Variants in GALNT17 observed in about 807,000 individuals in gnomAD.
GALNT17 encodes the protein polypeptide N-acetylgalactosaminyltransferase 17.
In GALNT17, 29 loss-of-function variants were observed where a neutral mutation model predicts 63.7. The observed-to-expected ratio is 0.46, with a 90% CI of 0.34 to 0.62. The LOEUF (loss-of-function observed/expected upper bound fraction) is 0.62. GALNT17 is among the 20% of genes least tolerant of loss of function. The pLI is 0.01. For synonymous variants in GALNT17, 305 were observed against 318.3 expected (o/e 0.96, Z 0.45); for missense variants, 603 against 799.6 (o/e 0.75, Z 2.97).
At chr7:71,139,810 T>C (rs1787852891) in intron 1 of GALNT17, among the ~76,000 whole-genome samples, 1 of 152,092 alleles carries the variant, frequency 6.6e-6, no homozygotes, top group African/African-American at 2.4e-5. Flanking sequence ...CTGGCCAACA[T>C]GGTGAAACCC....
At chr7:71,501,198 G>A (rs1788174823) in intron 5 of GALNT17, among the ~76,000 whole-genome samples, 1 of 151,926 alleles carries the variant, frequency 6.6e-6, no homozygotes, top group South Asian at 2.1e-4. Context: ...TGAACTCCTG[G>A]CCTCAAATGA....
At chr7:71,237,983 G>A (rs1015868092) in intron 1 of GALNT17, among the ~76,000 whole-genome samples, 9 of 152,194 alleles carry the variant, frequency 5.9e-5, no homozygotes, top group African/African-American at 2.2e-4. Context: ...GACCAATGGA[G>A]TGAAAAATAT....
chr7:71,174,279 G>A (rs559634223), intron 1 of GALNT17, among the ~76,000 whole-genome samples: 91 of 152,290 alleles, frequency 6.0e-4, no homozygotes, highest in African/African-American at 1.8e-3. Context: ...ATAGGTTAGC[G>A]GAGAAAGAAG....
At chr7:71,536,523 C>T (rs1788804666) in intron 5 of GALNT17, among the ~76,000 whole-genome samples, 1 of 152,172 alleles carries the variant, frequency 6.6e-6, no homozygotes, top group African/African-American at 2.4e-5. Flanking sequence ...GTGAAAGGCA[C>T]TTCTTACATG....
chr7:71,377,114 A>AAT (rs1554362119), intron 2 of GALNT17, among the ~76,000 whole-genome samples: 2,350 of 57,406 alleles, frequency 0.041, 190 homozygotes, highest in Non-Finnish European at 0.049. Context: ...AAATAAAAAA[A>AAT]ATATATATAT....
intron 1 of GALNT17, among the ~76,000 whole-genome samples, chr7:71,175,669 T>C (rs1788624795): frequency 6.6e-6 from 1 of 152,168 alleles, no homozygotes; most frequent in South Asian, 2.1e-4. Flanking sequence ...AATGGAGGGC[T>C]CAGAGATATT....
chr7:71,184,157 A>G (rs76065798), intron 1 of GALNT17, among the ~76,000 whole-genome samples: 3 of 152,344 alleles, frequency 2.0e-5, no homozygotes, highest in Non-Finnish European at 4.4e-5. Flanking sequence ...GCGGCCATCT[A>G]CAAACCAAGA....
intron 5 of GALNT17, among the ~76,000 whole-genome samples, chr7:71,507,300 C>G (rs1287800946): frequency 6.6e-6 from 1 of 152,138 alleles, no homozygotes; most frequent in African/African-American, 2.4e-5. Flanking sequence ...TACTGTTAAG[C>G]CTTCAGCCTG....
At chr7:71,213,735 T>C (rs12536522) in intron 1 of GALNT17, among the ~76,000 whole-genome samples, 56,671 of 152,086 alleles carry the variant, frequency 0.37, 10,895 homozygotes, top group South Asian at 0.53. Context: ...TGGATCATCT[T>C]CTGTCATCCT....
chr7:71,561,930 T>C (rs1789262660), intron 5 of GALNT17, among the ~76,000 whole-genome samples: 1 of 152,022 alleles, frequency 6.6e-6, no homozygotes, highest in South Asian at 2.1e-4. Context: ...ATTTACAGGC[T>C]ATGGATCAGC....
chr7:71,138,914 G>T (rs1787835886), intron 1 of GALNT17, among the ~76,000 whole-genome samples: 1 of 152,206 alleles, frequency 6.6e-6, no homozygotes, highest in African/African-American at 2.4e-5. Flanking sequence ...GGCGGAGGTT[G>T]CAGTGAGCTG....
At chr7:71,313,751 G>A (rs977542437) in intron 1 of GALNT17, among the ~76,000 whole-genome samples, 1 of 152,010 alleles carries the variant, frequency 6.6e-6, no homozygotes, top group Non-Finnish European at 1.5e-5. Context: ...CTCTATAAAG[G>A]CAATTTGCAT....
intron 5 of GALNT17, among the ~76,000 whole-genome samples, chr7:71,484,642 C>T (rs561574702): frequency 6.6e-6 from 1 of 152,196 alleles, no homozygotes; most frequent in African/African-American, 2.4e-5. Context: ...AGGCATTCTT[C>T]AGCTACATTA....
intron 9 of GALNT17, among the ~76,000 whole-genome samples, chr7:71,691,058 T>C (rs6460684): frequency 0.76 from 115,576 of 152,158 alleles, 44,064 homozygotes; most frequent in East Asian, 0.86. Context: ...GTGGGTAAAA[T>C]GCTACTAACC....
chr7:71,262,679 C>CTTTTTT (rs756742343), intron 1 of GALNT17, among the ~76,000 whole-genome samples: 2 of 124,656 alleles, frequency 1.6e-5, no homozygotes, highest in Non-Finnish European at 1.7e-5. Context: ...TTTTTACTTT[C>CTTTTTT]TTTTTTTTTT....
chr7:71,624,981 G>A (rs1790350584), intron 6 of GALNT17, among the ~76,000 whole-genome samples: 1 of 152,112 alleles, frequency 6.6e-6, no homozygotes, highest in South Asian at 2.1e-4. Flanking sequence ...GAGAGTGAAA[G>A]TGAATAAGGC....
chr7:71,687,640 C>T (rs1426444767), intron 9 of GALNT17, among the ~76,000 whole-genome samples: 2 of 152,140 alleles, frequency 1.3e-5, no homozygotes, highest in Admixed American at 6.6e-5. Context: ...AAACCCAATT[C>T]CTAGAAATCA....
intron 1 of GALNT17, among the ~76,000 whole-genome samples, chr7:71,219,106 C>G (rs1789536929): frequency 1.3e-5 from 2 of 152,076 alleles, no homozygotes; most frequent in African/African-American, 4.8e-5. Flanking sequence ...CTCAGATGTC[C>G]CATCTCATAT....
At chr7:71,263,739 C>T (rs527365516) in intron 1 of GALNT17, among the ~76,000 whole-genome samples, 14 of 151,966 alleles carry the variant, frequency 9.2e-5, no homozygotes, top group East Asian at 2.0e-4. Flanking sequence ...CTGGCTAACA[C>T]GGTGAAACCC....
Sources: allele counts gnomAD v4.1 joint callset (sites outside exome capture counted in the v4.1 genomes callset), GRCh38; gene constraint gnomAD v4.1.1; transcripts MANE v1.5; gene names NCBI Gene and HGNC (gene_info 2026-07-23, HGNC 2026-07-21).